The following VPS13C variants were observed in gnomAD, a reference collection of about 807,000 sequenced individuals.
The protein encoded by VPS13C is intermembrane lipid transfer protein VPS13C.
In VPS13C, 358 loss-of-function variants were observed where a neutral mutation model predicts 456.8. The ratio of observed to expected loss-of-function variants is 0.78; its 90% CI spans 0.72 to 0.86. The LOEUF is 0.86. Among genes scored for constraint, VPS13C ranks in the 40% least tolerant of loss-of-function variants. VPS13C has a pLI of 0.00. For synonymous variants in VPS13C, 1,578 were observed against 1,486.7 expected, an observed-to-expected ratio of 1.06 and a Z score of -1.41; for missense variants, 4,818 against 4,385.4, an observed-to-expected ratio of 1.10 and a Z score of -2.79.
intron 66 of VPS13C, among the ~76,000 whole-genome samples, chr15:61,891,848 G>A (rs1394950005): frequency 6.6e-6 from 1 of 152,170 alleles, no homozygotes; most frequent in Non-Finnish European, 1.5e-5. Context: ...TAAACTTCTA[G>A]TGCCAAGATT....
chr15:61,864,884 A>T (rs897432791), intron 81 of VPS13C: 2 of 970,494 alleles, frequency 2.1e-6, no homozygotes, highest in African/African-American at 3.5e-5. Flanking sequence ...CTTGAAATTT[A>T]AATATGTTAA....
Position 61,973,478 on chromosome 15 carries a change from G to A in VPS13C, c.2593C>T (p.Leu865=), listed in dbSNP as rs114150585. 27 of 1,612,422 alleles carry A rather than the reference G, an allele frequency of 1.7e-5. No homozygotes were observed. The highest frequency in any genetic ancestry group is 2.2e-5 in the East Asian group (1 of 44,768). The change falls in exon 26 of 85, where the codon CTA becomes TTA. Residue 865 remains leucine (L), a synonymous_variant. Coordinates refer to ENST00000644861, the MANE Select transcript of VPS13C (RefSeq NM_020821.3). ...GGTKGLLGTS[L]LLDTVESESD... ...CCTGATTCCACAGTGTCTAGCAATAGTGAAGTACCAAGTAGACCTTTTGTA... is the reference window on the plus strand; with the variant it reads ...CCTGATTCCACAGTGTCTAGCAATAATGAAGTACCAAGTAGACCTTTTGTA...
intron 48 of VPS13C, among the ~76,000 whole-genome samples, chr15:61,934,547 G>C (rs2044161258): frequency 6.6e-6 from 1 of 152,058 alleles, no homozygotes; most frequent in Non-Finnish European, 1.5e-5. Context: ...TGTGCAAAGA[G>C]GCACAGGCAG....
rs1288798220 is a variant in VPS13C at position 61,857,243 on chromosome 15, C to T, written c.10953-834G>A. On this transcript the variant is annotated intron_variant, in intron 82 of 84. Coordinates refer to ENST00000644861, the MANE Select transcript of VPS13C (RefSeq NM_020821.3). ...GAGGAGAAACAAACATGTAAATAAA[C>T]GCTACAGCACAATTAGACAAGTGCT... 3.3e-5 allele frequency among the ~76,000 whole-genome samples: 5 copies of T among 152,156 alleles called. No individual in the cohort carries two copies. The East Asian group carries it at 5.8e-4, about 18-fold the overall frequency.
intron 24 of VPS13C, 137 bp downstream of exon 24, chr15:61,976,945 G>T (rs2045719918): frequency 3.5e-6 from 2 of 565,178 alleles, no homozygotes; most frequent in African/African-American, 2.0e-5. Context: ...TCTTAAAAAT[G>T]TATTTCTGCT....
At chr15:61,902,876 C>G (rs112420328) in intron 66 of VPS13C, among the ~76,000 whole-genome samples, 1 of 117,620 alleles carries the variant, frequency 8.5e-6, no homozygotes, top group African/African-American at 3.1e-5. Flanking sequence ...AAAAGGGCAT[C>G]CAAATTTGAA....
At chr15:61,908,709 A>G (rs2043214830) in intron 65 of VPS13C, among the ~76,000 whole-genome samples, 1 of 152,248 alleles carries the variant, frequency 6.6e-6, no homozygotes, top group African/African-American at 2.4e-5. Context: ...GAAATTTGGT[A>G]TCAAAACTCA....
At chr15:61,886,930 G>A (rs976160959) in intron 67 of VPS13C, among the ~76,000 whole-genome samples, 1 of 152,102 alleles carries the variant, frequency 6.6e-6, no homozygotes, top group Non-Finnish European at 1.5e-5. Flanking sequence ...TTGATAAAGA[G>A]CACCTACAAA....
At chr15:61,994,240 C>A (rs1173008772) in intron 16 of VPS13C, among the ~76,000 whole-genome samples, 1 of 152,116 alleles carries the variant, frequency 6.6e-6, no homozygotes, top group Admixed American at 6.5e-5. Context: ...TCTACTGCAT[C>A]CCAATATTAG....
rs2043318035 is a variant in VPS13C, at chr15:61,912,073, T to C, written c.8551-69A>G. ...TTTGAAATATATACACATCCCCTCATTCACACACAAACTTCTTACAATATT... is the reference window on the plus strand; with the variant it reads ...TTTGAAATATATACACATCCCCTCACTCACACACAAACTTCTTACAATATT... On this transcript the variant is annotated intron_variant, in intron 62 of 84. Coordinates refer to ENST00000644861, the MANE Select transcript of VPS13C (RefSeq NM_020821.3). 3.1e-6 allele frequency: 4 copies of C among 1,271,630 alleles called. No individual in the cohort carries two copies. The African/African-American group carries it at 4.5e-5, about 14-fold the overall frequency. 78.8% of individuals were successfully genotyped at this position (1,271,630 alleles called of 1,614,324 possible). A position where few individuals can be genotyped will look rare whatever the true frequency, so the allele number is the denominator to read the frequency against.
intron 9 of VPS13C, among the ~76,000 whole-genome samples, chr15:62,017,831 T>C (rs1310068368): frequency 1.3e-5 from 2 of 152,186 alleles, no homozygotes. Context: ...AGAAAGTCAT[T>C]GGTAGCTTGA....
Position 61,954,406 on chromosome 15 carries a change from A to C in VPS13C, c.4299+15T>G. ...TATTCACCTCACTTTACAAAAACAG[A>C]TGAAAATTACACACCTCTTTAATTT... is the stretch of plus-strand genomic sequence containing the variant. On this transcript the variant is annotated intron_variant, in intron 38 of 84. Coordinates refer to ENST00000644861, the MANE Select transcript of VPS13C (RefSeq NM_020821.3). The C allele has an allele frequency of 6.2e-7, 1 of 1,600,906 alleles. No individual in the cohort carries two copies. The highest frequency in any genetic ancestry group is 8.5e-7 in the Non-Finnish European group (1 of 1,175,872).
At chr15:61,924,042 T>A (rs1285665323) in intron 53 of VPS13C, among the ~76,000 whole-genome samples, 1 of 150,962 alleles carries the variant, frequency 6.6e-6, no homozygotes, top group African/African-American at 2.4e-5. Flanking sequence ...ATTTTTTGTA[T>A]TTTTTAGTAG....
chr15:62,023,853 G>C lies in VPS13C; in HGVS notation c.449-8C>G, dbSNP rs770739557. 1 of 1,607,522 alleles carries C rather than the reference G, an allele frequency of 6.2e-7. No individual in the cohort carries two copies. Among genetic ancestry groups the C allele is most frequent in the Admixed American group, 1.7e-5 (1 of 59,702 alleles). On this transcript the variant is annotated splice_region_variant and splice_polypyrimidine_tract_variant and intron_variant, in intron 6 of 84. Transcript: ENST00000644861. ...GCTTTTTACGTTTACGTCCTTCACA[G>C]TGGAAGCATTTTAGTGAGAAAAGGA...
At chr15:62,003,239 T>C (rs8030433) in intron 15 of VPS13C, among the ~76,000 whole-genome samples, 15,923 of 148,096 alleles carry the variant, frequency 0.11, 1,937 homozygotes, top group African/African-American at 0.29. Context: ...CTTCACGTCC[T>C]TTGTAAGTTG....
chr15:61,862,137 TGAGAA>T (rs1230845663), intron 82 of VPS13C, among the ~76,000 whole-genome samples: 5 of 125,986 alleles, frequency 4.0e-5, no homozygotes, highest in African/African-American at 1.5e-4. Flanking sequence ...AAGAAAAGAG[TGAGAA>T]GAGAAGAGAA....
intron 47 of VPS13C, among the ~76,000 whole-genome samples, chr15:61,937,000 CTA>C (rs1455550250): frequency 6.6e-6 from 1 of 152,178 alleles, no homozygotes; most frequent in African/African-American, 2.4e-5. Context: ...TTATCTGTTA[CTA>C]TGTCTTCCTG....
chr15:61,855,077 T>C (rs1596257670), intron 83 of VPS13C, 123 bp from the exon 84 acceptor site: 1 of 693,908 alleles, frequency 1.4e-6, no homozygotes, highest in Non-Finnish European at 2.4e-6. Flanking sequence ...CAAATACACA[T>C]ATTCAAGTAA....
At chr15:62,001,685 C>T (rs937004230) in intron 15 of VPS13C, among the ~76,000 whole-genome samples, 3 of 152,128 alleles carry the variant, frequency 2.0e-5, no homozygotes, top group African/African-American at 7.2e-5. Context: ...CAACCCACAA[C>T]AGTCCCCAGA....
Sources: gnomAD v4.1 joint callset for allele counts (sites outside exome capture counted in the v4.1 genomes callset) on GRCh38, gnomAD v4.1.1 for gene constraint, MANE v1.5 for transcripts, NCBI Gene and HGNC (gene_info 2026-07-23, HGNC 2026-07-21) for gene names.